CDH13: variants seen among roughly 807,000 people sequenced by gnomAD.
CDH13 encodes cadherin-13.
Under a neutral mutation model 63.8 loss-of-function variants are expected in CDH13, and 24 were observed. The ratio of observed to expected loss-of-function variants is 0.38; its 90% CI spans 0.27 to 0.53. The LOEUF is 0.53. Ranked by LOEUF, CDH13 falls within the 20% of genes least tolerant of loss-of-function variation. The probability of loss-of-function intolerance (pLI) is 0.85; values close to 1 mark genes in which losing one functional copy is unlikely to be tolerated. For missense variants in CDH13, 1,049 were observed against 903.1 expected, an observed-to-expected ratio of 1.16 and a Z score of -2.07; for synonymous variants, 503 against 355.3, an observed-to-expected ratio of 1.42 and a Z score of -4.67.
intron 1 of CDH13, among the ~76,000 whole-genome samples, chr16:82,806,843 G>A (rs1442254285): frequency 6.6e-6 from 1 of 152,042 alleles, no homozygotes; most frequent in Non-Finnish European, 1.5e-5. Context: ...CATAAAGAAG[G>A]ACAAAACATA....
At chr16:83,155,072 C>T (rs1429217765) in intron 4 of CDH13, among the ~76,000 whole-genome samples, 3 of 152,100 alleles carry the variant, frequency 2.0e-5, no homozygotes, top group Non-Finnish European at 2.9e-5. Flanking sequence ...GGAAGAAAAC[C>T]ACTTCTGTGG....
chr16:83,670,347 T>C (rs1914391461), intron 8 of CDH13, among the ~76,000 whole-genome samples: 1 of 152,210 alleles, frequency 6.6e-6, no homozygotes, highest in Admixed American at 6.5e-5. Context: ...TTGTTTCTCA[T>C]TCAATGATAG....
intron 6 of CDH13, among the ~76,000 whole-genome samples, chr16:83,468,365 C>G (rs2073369632): frequency 6.6e-6 from 1 of 152,170 alleles, no homozygotes; most frequent in South Asian, 2.1e-4. Context: ...GCTACCAAAG[C>G]TGCATATGGT....
chr16:83,427,128 G>A (rs370360149), intron 6 of CDH13, among the ~76,000 whole-genome samples: 235 of 151,642 alleles, frequency 1.5e-3, no homozygotes, highest in Non-Finnish European at 2.0e-3. Context: ...GGGTTTCACC[G>A]TGGTCTCTAT....
chr16:83,111,182 G>C (rs2035040635), intron 3 of CDH13, among the ~76,000 whole-genome samples: 1 of 148,440 alleles, frequency 6.7e-6, no homozygotes, highest in Non-Finnish European at 1.5e-5. Context: ...AAAAAAAAAA[G>C]AAAAAAATAG....
intron 2 of CDH13, among the ~76,000 whole-genome samples, chr16:82,873,319 A>T (rs1008799942): frequency 6.6e-6 from 1 of 152,236 alleles, no homozygotes; most frequent in African/African-American, 2.4e-5. Flanking sequence ...AGATAGGGGT[A>T]TAAAGATTGA....
chr16:83,329,850 C>T (rs573429604), intron 5 of CDH13, among the ~76,000 whole-genome samples: 1 of 152,112 alleles, frequency 6.6e-6, no homozygotes, highest in Non-Finnish European at 1.5e-5. Flanking sequence ...AGCATGTATC[C>T]AAATTTCCTC....
At chr16:83,126,537 A>T (rs981668598) in intron 4 of CDH13, among the ~76,000 whole-genome samples, 1 of 152,198 alleles carries the variant, frequency 6.6e-6, no homozygotes, top group African/African-American at 2.4e-5. Flanking sequence ...AGGATTAAAG[A>T]GGACTCTTTC....
chr16:83,514,047 G>A (rs2074640221), intron 7 of CDH13, among the ~76,000 whole-genome samples: 3 of 152,150 alleles, frequency 2.0e-5, no homozygotes, highest in Non-Finnish European at 4.4e-5. Context: ...TATCTTGTGT[G>A]CCTCGTAGGA....
chr16:83,202,111 G>A (rs1355801320), intron 4 of CDH13, among the ~76,000 whole-genome samples: 4 of 152,074 alleles, frequency 2.6e-5, no homozygotes, highest in South Asian at 2.1e-4. Flanking sequence ...TGGCGGACTC[G>A]ACTTTCAAGC....
At chr16:82,856,566 G>A (rs2039703813) in intron 1 of CDH13, among the ~76,000 whole-genome samples, 1 of 150,700 alleles carries the variant, frequency 6.6e-6, no homozygotes, top group African/African-American at 2.4e-5. Flanking sequence ...GCTGGGCTTG[G>A]TGACGAGTGC....
chr16:83,375,273 T>C (rs2091439764), intron 6 of CDH13, among the ~76,000 whole-genome samples: 1 of 152,206 alleles, frequency 6.6e-6, no homozygotes, highest in African/African-American at 2.4e-5. Context: ...AAGGAACAAA[T>C]TGATTTTTAA....
chr16:82,875,855 A>G (rs991314271), intron 2 of CDH13, among the ~76,000 whole-genome samples: 1 of 152,216 alleles, frequency 6.6e-6, no homozygotes, highest in African/African-American at 2.4e-5. Flanking sequence ...CTGTTTTCAC[A>G]CTGCTGATAC....
intron 5 of CDH13, among the ~76,000 whole-genome samples, chr16:83,221,712 C>G (rs12325628): frequency 0.25 from 37,385 of 151,690 alleles, 5,240 homozygotes; most frequent in African/African-American, 0.37. Context: ...AAACAGGAAG[C>G]ATGGCCAAGA....
chr16:83,109,728 A>C lies in CDH13; in HGVS notation c.367-15657A>C, dbSNP rs189008204. Among the ~76,000 whole-genome samples, 686 of 152,308 alleles carry C rather than the reference A, an allele frequency of 4.5e-3. 6 individuals carry two copies. The highest frequency in any genetic ancestry group is 0.016 in the African/African-American group (654 of 41,548). On this transcript the variant is annotated intron_variant, in intron 3 of 13. Transcript: ENST00000567109. Reference sequence around the variant, plus strand: ...AGCCCCACCTGTAGAGCGCTGCAAGATGCCTCCAGCTGGTCACAAGTAGCT... The same window carrying C: ...AGCCCCACCTGTAGAGCGCTGCAAGCTGCCTCCAGCTGGTCACAAGTAGCT...
rs751699914 is a variant in CDH13 at position 83,748,142 on chromosome 16, A to T, written c.1573A>T (p.Asn525Tyr). 6 of 1,613,710 alleles carry T rather than the reference A, an allele frequency of 3.7e-6. No homozygotes were observed. In the Admixed American group the frequency reaches 6.7e-5, roughly 18 times the overall value. Reference sequence around the variant, plus strand: ...TTACAAGGACCCAGCAGGTTGGCTGAATATTAACCCCATCAATGGGACTGT... The same window carrying T: ...TTACAAGGACCCAGCAGGTTGGCTGTATATTAACCCCATCAATGGGACTGT... ...SVYKDPAGWL[N>Y]INPINGTVDT... Residue 525 changes from asparagine to tyrosine, a missense_variant, in exon 11 of 14, where the codon AAT becomes TAT. Physicochemically the swap from Asn to Tyr is moderately radical, Grantham distance 143. Transcript: ENST00000567109.
chr16:82,980,648 T>C (rs1396495897), intron 2 of CDH13, among the ~76,000 whole-genome samples: 2 of 152,176 alleles, frequency 1.3e-5, no homozygotes, highest in Non-Finnish European at 2.9e-5. Context: ...TGTTCTCTAG[T>C]AGAAGAAACA....
intron 6 of CDH13, among the ~76,000 whole-genome samples, chr16:83,474,888 G>A (rs1261458364): frequency 2.6e-5 from 4 of 152,198 alleles, no homozygotes; most frequent in East Asian, 1.9e-4. Context: ...ACCGCTGGAG[G>A]AGCCAAGTGT....
chr16:83,609,648 T>G (rs1478438361), intron 8 of CDH13, among the ~76,000 whole-genome samples: 3 of 152,254 alleles, frequency 2.0e-5, no homozygotes, highest in African/African-American at 7.2e-5. Context: ...TCAGGATACC[T>G]GTTTATTTCA....
Sources: gnomAD v4.1 joint callset for allele counts (sites outside exome capture counted in the v4.1 genomes callset) on GRCh38, gnomAD v4.1.1 for gene constraint, MANE v1.5 for transcripts, NCBI Gene and HGNC (gene_info 2026-07-23, HGNC 2026-07-21) for gene names.